The following CSMD1 variants were observed in gnomAD, a reference collection of about 807,000 sequenced individuals.
CSMD1 encodes the protein CUB and sushi domain-containing protein 1.
Under a neutral mutation model 417.5 loss-of-function variants are expected in CSMD1, and 213 were observed. The ratio of observed to expected loss-of-function variants is 0.51; its 90% CI spans 0.46 to 0.57. CSMD1 has a LOEUF of 0.57. Ranked by LOEUF, CSMD1 falls within the 20% of genes least tolerant of loss-of-function variation. The probability of loss-of-function intolerance (pLI) is 0.00; values close to 1 mark genes in which losing one functional copy is unlikely to be tolerated. For missense variants in CSMD1, 6,923 were observed against 4,529.7 expected, an observed-to-expected ratio of 1.53 and a Z score of -15.17; for synonymous variants, 2,862 against 1,736.8, an observed-to-expected ratio of 1.65 and a Z score of -16.11.
chr8:4,581,612 G>T (rs1251922703), intron 2 of CSMD1, among the ~76,000 whole-genome samples: 1 of 152,154 alleles, frequency 6.6e-6, no homozygotes, highest in Non-Finnish European at 1.5e-5. Context: ...CTATATTTAG[G>T]AATTGATTCC....
rs75543394 is a variant in CSMD1, at chr8:4,673,159, C to G, written c.86-35601G>C. On this transcript the variant is annotated intron_variant, in intron 1 of 69. Coordinates refer to ENST00000635120, the MANE Select transcript of CSMD1 (RefSeq NM_033225.6). ...AGGACATTGAGGGGAAAAAGGGATT[C>G]TATGGAAGGAAAAAGAAAGAAAGAA... 7.9e-4 allele frequency among the ~76,000 whole-genome samples: 120 copies of G among 151,886 alleles called. No homozygotes were observed. In the East Asian group the frequency reaches 0.019, roughly 24 times the overall value.
intron 2 of CSMD1, among the ~76,000 whole-genome samples, chr8:4,564,451 T>C (rs746617329): frequency 6.6e-6 from 1 of 152,200 alleles, no homozygotes; most frequent in Non-Finnish European, 1.5e-5. Flanking sequence ...ATCTAGTGTC[T>C]GGTGAGGGGC....
At chr8:4,295,321 T>C (rs1444836572) in intron 3 of CSMD1, among the ~76,000 whole-genome samples, 1 of 113,508 alleles carries the variant, frequency 8.8e-6, no homozygotes, top group African/African-American at 2.7e-5. Context: ...CTTAAGATTA[T>C]GCACATATAA....
chr8:4,127,471 A>G (rs1238439542), intron 3 of CSMD1, among the ~76,000 whole-genome samples: 1 of 136,318 alleles, frequency 7.3e-6, no homozygotes, highest in Admixed American at 7.3e-5. Flanking sequence ...AAAAAAAAAA[A>G]AAAAAAAAGA....
intron 3 of CSMD1, among the ~76,000 whole-genome samples, chr8:4,350,557 C>T (rs1459764561): frequency 1.3e-5 from 2 of 152,238 alleles, no homozygotes; most frequent in South Asian, 2.1e-4. Flanking sequence ...TGTCCTGATT[C>T]CACATTTATT....
chr8:2,952,188 ATTAT>A, intron 65 of CSMD1, among the ~76,000 whole-genome samples: 1 of 152,338 alleles, frequency 6.6e-6, no homozygotes, highest in Non-Finnish European at 1.5e-5. Context: ...ATGTGCATGA[ATTAT>A]TTAATTAGAT....
At position 3,282,956 on chromosome 8, in the gene CSMD1, T is replaced by C. The variant is rs547595857; in HGVS notation, c.4153+1188A>G. Among the ~76,000 whole-genome samples the C allele has an allele frequency of 7.1e-4, 108 of 152,266 alleles. 1 individual carries two copies. The highest frequency in any genetic ancestry group is 2.6e-3 in the African/African-American group (108 of 41,560). On this transcript the variant is annotated intron_variant, in intron 26 of 69. Transcript: ENST00000635120. Reference sequence around the variant, plus strand: ...GCTGACCTTGTGTGCTGCCCAATAATATGGCATCTCTCCACGGTGCCATCC... The same window carrying C: ...GCTGACCTTGTGTGCTGCCCAATAACATGGCATCTCTCCACGGTGCCATCC...
chr8:3,119,046 G>A (rs1817032756), intron 41 of CSMD1, among the ~76,000 whole-genome samples: 2 of 152,046 alleles, frequency 1.3e-5, no homozygotes, highest in Non-Finnish European at 2.9e-5. Flanking sequence ...CTGGCGTGGT[G>A]GCGGGCGCCT....
At chr8:3,439,310 T>TATATATATATATATATATATATATA (rs1491240170) in intron 12 of CSMD1, among the ~76,000 whole-genome samples, 13 of 20,094 alleles carry the variant, frequency 6.5e-4, no homozygotes, top group African/African-American at 1.6e-3. Context: ...TATATATATA[T>TATATATATATATATATATATATATA]TTTTTTTTTT....
intron 5 of CSMD1, among the ~76,000 whole-genome samples, chr8:3,890,876 C>G (rs1806927036): frequency 6.6e-6 from 1 of 151,998 alleles, no homozygotes; most frequent in East Asian, 1.9e-4. Flanking sequence ...GATGAAAGAG[C>G]AAGATTTCTT....
intron 1 of CSMD1, among the ~76,000 whole-genome samples, chr8:4,978,077 G>A (rs1180841481): frequency 6.6e-6 from 1 of 152,206 alleles, no homozygotes; most frequent in Non-Finnish European, 1.5e-5. Flanking sequence ...TTTGAGAAGT[G>A]TGTATCTCGA....
intron 2 of CSMD1, among the ~76,000 whole-genome samples, chr8:4,534,920 G>T (rs1054610911): frequency 7.2e-5 from 11 of 152,058 alleles, no homozygotes; most frequent in Non-Finnish European, 1.5e-4. Context: ...CTGCCACCAC[G>T]CCCGGCTTAT....
chr8:4,115,471 A>G (rs1408409668), intron 3 of CSMD1, among the ~76,000 whole-genome samples: 1 of 152,212 alleles, frequency 6.6e-6, no homozygotes, highest in Admixed American at 6.5e-5. Flanking sequence ...TTTATATATA[A>G]TGCTTTAGAC....
chr8:3,992,112 A>G (rs1427306053), intron 5 of CSMD1, among the ~76,000 whole-genome samples: 1 of 143,406 alleles, frequency 7.0e-6, no homozygotes, highest in Non-Finnish European at 1.6e-5. Context: ...AAAAGGAGAA[A>G]TGTGTATATA....
At chr8:3,939,405 A>G (rs1191170829) in intron 5 of CSMD1, among the ~76,000 whole-genome samples, 4 of 152,168 alleles carry the variant, frequency 2.6e-5, no homozygotes, top group Non-Finnish European at 5.9e-5. Flanking sequence ...CTTTTACACT[A>G]CTGGTGTGTG....
intron 2 of CSMD1, among the ~76,000 whole-genome samples, chr8:4,453,719 G>C (rs184092009): frequency 6.6e-6 from 1 of 151,806 alleles, no homozygotes; most frequent in Non-Finnish European, 1.5e-5. Context: ...GCATCACAGC[G>C]GGCTTAACCA....
At chr8:4,075,173 A>G (rs1483654025) in intron 3 of CSMD1, among the ~76,000 whole-genome samples, 1 of 152,222 alleles carries the variant, frequency 6.6e-6, no homozygotes, top group Non-Finnish European at 1.5e-5. Flanking sequence ...TAAGCTGAAA[A>G]TCCTTCCTTG....
intron 1 of CSMD1, among the ~76,000 whole-genome samples, chr8:4,686,552 C>G (rs906576411): frequency 6.6e-6 from 1 of 152,222 alleles, no homozygotes; most frequent in African/African-American, 2.4e-5. Context: ...CCTGCTACAT[C>G]CCTGCTGATT....
chr8:4,213,070 A>C (rs149227468), intron 3 of CSMD1, among the ~76,000 whole-genome samples: 7 of 152,224 alleles, frequency 4.6e-5, no homozygotes, highest in African/African-American at 1.7e-4. Flanking sequence ...CTTTGAGCTA[A>C]TGTCTAAGAT....
Sources: allele counts gnomAD v4.1 joint callset (sites outside exome capture counted in the v4.1 genomes callset), GRCh38; gene constraint gnomAD v4.1.1; transcripts MANE v1.5; gene names NCBI Gene and HGNC (gene_info 2026-07-23, HGNC 2026-07-21).